QTMAN: variants seen among roughly 807,000 people sequenced by gnomAD.
QTMAN encodes the protein tRNA-queuosine alpha-mannosyltransferase.
At chr2:144,067,747 G>C in the QTMAN span, among the ~76,000 whole-genome samples, 3 of 152,174 alleles carry the variant, frequency 2.0e-5, no homozygotes, top group African/African-American at 7.2e-5. Context: ...GCTGGAAGAA[G>C]GGGGTGCTAG....
chr2:144,226,739 A>G, the QTMAN span, among the ~76,000 whole-genome samples: 2 of 152,158 alleles, frequency 1.3e-5, no homozygotes, highest in Non-Finnish European at 2.9e-5. Context: ...AAATAGGGTT[A>G]TATAGGGGAT....
the QTMAN span, among the ~76,000 whole-genome samples, chr2:144,117,536 A>C: frequency 6.6e-6 from 1 of 152,244 alleles, no homozygotes; most frequent in Non-Finnish European, 1.5e-5. Context: ...TTAAGTTTCT[A>C]ACAATAATAA....
At chr2:144,221,767 A>G in the QTMAN span, among the ~76,000 whole-genome samples, 1 of 152,222 alleles carries the variant, frequency 6.6e-6, no homozygotes, top group African/African-American at 2.4e-5. Context: ...CTATTGCTAT[A>G]AGGAAATTCA....
chr2:144,041,977 A>G, the QTMAN span, among the ~76,000 whole-genome samples: 2 of 152,004 alleles, frequency 1.3e-5, no homozygotes, highest in Admixed American at 6.6e-5. Context: ...AAGAGGAGAG[A>G]CTGCAGAGAT....
chr2:143,970,855 G>C, the QTMAN span: 1 of 714,898 alleles, frequency 1.4e-6, no homozygotes. Flanking sequence ...TTTTTTTCAT[G>C]GTCTACTGCT....
the QTMAN span, among the ~76,000 whole-genome samples, chr2:144,244,758 CA>C: frequency 1.3e-5 from 2 of 149,696 alleles, no homozygotes; most frequent in Non-Finnish European, 3.0e-5. Context: ...TTATAAGGAT[CA>C]AAAAAAAATC....
the QTMAN span, chr2:143,945,515 C>G: frequency 1.3e-5 from 2 of 152,326 alleles, no homozygotes; most frequent in African/African-American, 4.8e-5. Context: ...AATACTGCCT[C>G]TCTTCCAAGG....
the QTMAN span, among the ~76,000 whole-genome samples, chr2:143,989,867 T>G: frequency 6.6e-6 from 1 of 152,166 alleles, no homozygotes; most frequent in Admixed American, 6.5e-5. Flanking sequence ...TTTACCATAG[T>G]TCCCATCTAG....
At chr2:144,314,270 G>C in the QTMAN span, among the ~76,000 whole-genome samples, 2 of 152,148 alleles carry the variant, frequency 1.3e-5, no homozygotes, top group East Asian at 3.9e-4. Flanking sequence ...ACATTATGTT[G>C]AGGAAAAGAA....
the QTMAN span, chr2:143,943,013 C>T: frequency 1.3e-5 from 2 of 152,208 alleles, no homozygotes; most frequent in Admixed American, 6.5e-5. Flanking sequence ...CACGACTCAG[C>T]TTAAGAAACA....
the QTMAN span, among the ~76,000 whole-genome samples, chr2:144,301,404 G>T: frequency 7.5e-4 from 114 of 152,232 alleles, no homozygotes; most frequent in Non-Finnish European, 1.3e-3. Context: ...TGTACTTTTA[G>T]TAGAGACAGA....
At chr2:144,290,968 T>C in the QTMAN span, among the ~76,000 whole-genome samples, 3 of 152,188 alleles carry the variant, frequency 2.0e-5, no homozygotes, top group Non-Finnish European at 4.4e-5. Flanking sequence ...AAGTCAAAGA[T>C]CAAGGTGTCG....
chr2:144,124,176 C>T, the QTMAN span, among the ~76,000 whole-genome samples: 2 of 152,066 alleles, frequency 1.3e-5, no homozygotes, highest in African/African-American at 4.8e-5. Context: ...CAGAATGTTC[C>T]TATAGCCACT....
At chr2:144,313,418 T>A in the QTMAN span, among the ~76,000 whole-genome samples, 1 of 152,136 alleles carries the variant, frequency 6.6e-6, no homozygotes, top group Non-Finnish European at 1.5e-5. Flanking sequence ...TTCCCCTACA[T>A]TTACCACTTA....
chr2:144,325,971 TG>T, the QTMAN span, among the ~76,000 whole-genome samples: 1 of 152,248 alleles, frequency 6.6e-6, no homozygotes, highest in Non-Finnish European at 1.5e-5. Flanking sequence ...TTTGATGACT[TG>T]CCTCAAAACA....
At chr2:143,952,990 C>T in the QTMAN span, 15 of 596,598 alleles carry the variant, frequency 2.5e-5, no homozygotes, top group Non-Finnish European at 4.5e-5. Flanking sequence ...TTCTAAAAGC[C>T]AAAGTTGCTC....
At chr2:143,986,763 C>G in the QTMAN span, among the ~76,000 whole-genome samples, 2 of 152,200 alleles carry the variant, frequency 1.3e-5, no homozygotes, top group Non-Finnish European at 2.9e-5. Context: ...AAAATTTACA[C>G]ATTACTGTGC....
At chr2:143,969,354 C>CA in the QTMAN span, among the ~76,000 whole-genome samples, 12 of 151,360 alleles carry the variant, frequency 7.9e-5, no homozygotes, top group Non-Finnish European at 1.5e-4. Context: ...GTTCCCTTCT[C>CA]AAAAAAAAAT....
chr2:144,089,228 C>T, the QTMAN span, among the ~76,000 whole-genome samples: 1 of 151,806 alleles, frequency 6.6e-6, no homozygotes, highest in Non-Finnish European at 1.5e-5. Flanking sequence ...CATCATCAAG[C>T]ATCAGAGGAA....
Sources: allele counts gnomAD v4.1 joint callset (sites outside exome capture counted in the v4.1 genomes callset), GRCh38; gene constraint gnomAD v4.1.1; transcripts MANE v1.5; gene names NCBI Gene and HGNC (gene_info 2026-07-23, HGNC 2026-07-21).